Variants in TAOK3 observed in about 807,000 individuals in gnomAD.
TAOK3 encodes serine/threonine-protein kinase TAO3.
Under a neutral mutation model 120.4 loss-of-function variants are expected in TAOK3, and 40 were observed. The observed-to-expected ratio is 0.33, with a 90% CI of 0.26 to 0.43. The LOEUF (loss-of-function observed/expected upper bound fraction) is 0.43, where lower values mean the gene tolerates loss of function less well. Among genes scored for constraint, TAOK3 ranks in the 20% least tolerant of loss-of-function variants. The pLI, the probability that TAOK3 is intolerant of heterozygous loss-of-function variation, is 1.00. For synonymous variants in TAOK3, 355 were observed against 387.5 expected (o/e 0.92, Z 0.99); for missense variants, 821 against 1,112.1 (o/e 0.74, Z 3.72).
At chr12:118,200,802 G>T (rs2037981079) in intron 12 of TAOK3, 2 of 152,486 alleles carry the variant, frequency 1.3e-5, no homozygotes, top group African/African-American at 4.8e-5. Flanking sequence ...TCAATGAGAA[G>T]CCATGGATTA....
chr12:118,337,285 C>T (rs1405319832), intron 1 of TAOK3, among the ~76,000 whole-genome samples: 1 of 152,128 alleles, frequency 6.6e-6, no homozygotes, highest in Non-Finnish European at 1.5e-5. Context: ...TATGGAGAAA[C>T]TGGATTTTTC....
At position 118,214,003 on chromosome 12, in the gene TAOK3, T is replaced by C; in HGVS notation, c.737+14A>G. 6.3e-7 allele frequency: 1 copy of C among 1,595,502 alleles called. No individual in the cohort carries two copies. Among genetic ancestry groups the C allele is most frequent in the Non-Finnish European group, 8.6e-7 (1 of 1,164,514 alleles). On this transcript the variant is annotated intron_variant, in intron 10 of 20. Coordinates refer to ENST00000392533, the MANE Select transcript of TAOK3 (RefSeq NM_016281.4). ...TGATTTTCTTAGAGATTTAAAATGA[T>C]AGCAGAGTCTTACCATTCATTAGAC...
chr12:118,330,878 T>C (rs983348224), intron 1 of TAOK3, among the ~76,000 whole-genome samples: 1 of 152,118 alleles, frequency 6.6e-6, no homozygotes, highest in African/African-American at 2.4e-5. Flanking sequence ...GGTTCATAAG[T>C]CTGAAACTGC....
intron 1 of TAOK3, among the ~76,000 whole-genome samples, chr12:118,360,541 C>T (rs2045560843): frequency 1.4e-5 from 2 of 147,396 alleles, no homozygotes; most frequent in South Asian, 2.2e-4. Flanking sequence ...GGACTCCAGC[C>T]CGGGCGACAC....
chr12:118,166,835 C>CACACACACAT (rs2035622823), intron 17 of TAOK3, among the ~76,000 whole-genome samples: 2 of 130,936 alleles, frequency 1.5e-5, no homozygotes, highest in African/African-American at 2.9e-5. Context: ...TATACACACA[C>CACACACACAT]ACACACACAC....
intron 1 of TAOK3, among the ~76,000 whole-genome samples, chr12:118,269,649 C>T (rs980748226): frequency 8.5e-5 from 13 of 152,070 alleles, no homozygotes; most frequent in Admixed American, 5.2e-4. Flanking sequence ...AGATTACAGG[C>T]GTGAGCCACT....
chr12:118,311,579 T>A (rs535199637), intron 1 of TAOK3, among the ~76,000 whole-genome samples: 1 of 152,034 alleles, frequency 6.6e-6, no homozygotes, highest in Non-Finnish European at 1.5e-5. Flanking sequence ...CTCATAGGAA[T>A]CCCAAGAGAC....
intron 1 of TAOK3, among the ~76,000 whole-genome samples, chr12:118,320,176 G>C (rs142012315): frequency 2.0e-5 from 3 of 152,258 alleles, no homozygotes; most frequent in African/African-American, 7.2e-5. Flanking sequence ...ATAGATAAGG[G>C]CCTAGGCAGA....
rs514826 is a variant in TAOK3, at chr12:118,371,498, A to G, written c.-194+1150T>C. Among the ~76,000 whole-genome samples, 105,371 of 151,566 alleles carry G rather than the reference A, an allele frequency of 0.7. 36,804 individuals carry two copies. The highest frequency in any genetic ancestry group is 0.75 in the South Asian group (3,608 of 4,800). On this transcript the variant is annotated intron_variant, in intron 1 of 20. Coordinates refer to ENST00000392533, the MANE Select transcript of TAOK3 (RefSeq NM_016281.4). The surrounding 1 kb of genome is among the most constrained non-coding windows in gnomAD (Gnocchi z 5.5). ...TCCTCCAGCCCATGCGTTTCACTTCAGAGATGTTTCATGACATAATCCGGC... is the reference window on the plus strand; with the variant it reads ...TCCTCCAGCCCATGCGTTTCACTTCGGAGATGTTTCATGACATAATCCGGC...
At chr12:118,332,113 C>T (rs2044177014) in intron 1 of TAOK3, among the ~76,000 whole-genome samples, 1 of 152,190 alleles carries the variant, frequency 6.6e-6, no homozygotes, top group South Asian at 2.1e-4. Context: ...GTGTGAGCCA[C>T]CACGCCCAGA....
chr12:118,313,221 C>G (rs1041677348), intron 1 of TAOK3, among the ~76,000 whole-genome samples: 3 of 152,084 alleles, frequency 2.0e-5, no homozygotes, highest in Non-Finnish European at 4.4e-5. Flanking sequence ...AGCTCTATTA[C>G]AAGGAAAGAG....
At position 118,173,867 on chromosome 12, in the gene TAOK3, T is replaced by C. The variant is rs145140065; in HGVS notation, c.1696-1207A>G. Among the ~76,000 whole-genome samples the C allele has an allele frequency of 7.0e-3, 1,060 of 152,348 alleles. 15 individuals are homozygous for C. Among genetic ancestry groups the C allele is most frequent in the African/African-American group, 0.024 (987 of 41,576 alleles). ...GCTAACACCTATTTTACTTAATGTT[T>C]TGTGATGCCGATATCATAGACTATT... On this transcript the variant is annotated intron_variant, in intron 16 of 20. Transcript: ENST00000392533.
At chr12:118,363,483 A>G (rs376152618) in intron 1 of TAOK3, among the ~76,000 whole-genome samples, 2 of 152,208 alleles carry the variant, frequency 1.3e-5, no homozygotes, top group East Asian at 3.8e-4. Context: ...ATAAGTACAA[A>G]TCCTACAATG....
intron 12 of TAOK3, 103 bp downstream of exon 12, chr12:118,201,193 A>G (rs2038003289): frequency 3.7e-6 from 4 of 1,079,960 alleles, no homozygotes; most frequent in Non-Finnish European, 5.3e-6. Context: ...GGCGGACAGC[A>G]TCAATTAATT....
At chr12:118,287,907 G>T (rs1257596253) in intron 1 of TAOK3, among the ~76,000 whole-genome samples, 6 of 152,022 alleles carry the variant, frequency 3.9e-5, no homozygotes, top group Non-Finnish European at 8.8e-5. Flanking sequence ...ACAGCACTGT[G>T]AGAGCTCTGT....
At position 118,160,742 on chromosome 12, in the gene TAOK3, C is replaced by CT. The variant is rs570374753; in HGVS notation, c.2140-385dup. On this transcript the variant is annotated intron_variant, in intron 18 of 20. Coordinates refer to ENST00000392533, the MANE Select transcript of TAOK3 (RefSeq NM_016281.4). This position sits in a 1 kb window ranked among gnomAD's most constrained non-coding sequence, Gnocchi z 4.2. ...TTCCATTGTTCATTGTTTTTCCCCCCTTTTTTTTTGTTTCTGTGTTTCACC... is the reference window on the plus strand; with the variant it reads ...TTCCATTGTTCATTGTTTTTCCCCCCTTTTTTTTTTGTTTCTGTGTTTCACC... Among the ~76,000 whole-genome samples, 3 of 151,196 alleles carry CT rather than the reference C, an allele frequency of 2.0e-5. No individual in the cohort carries two copies. Among genetic ancestry groups the CT allele is most frequent in the Non-Finnish European group, 4.4e-5 (3 of 67,740 alleles).
chr12:118,318,114 C>T (rs2043546234), intron 1 of TAOK3, among the ~76,000 whole-genome samples: 1 of 151,554 alleles, frequency 6.6e-6, no homozygotes, highest in Non-Finnish European at 1.5e-5. Flanking sequence ...CAAACAATAA[C>T]TCAGAATAGA....
At chr12:118,287,050 A>T (rs1253719262) in intron 1 of TAOK3, among the ~76,000 whole-genome samples, 1 of 152,018 alleles carries the variant, frequency 6.6e-6, no homozygotes, top group East Asian at 1.9e-4. Flanking sequence ...GACACAATGG[A>T]CTTTGGGGAC....
intron 1 of TAOK3, among the ~76,000 whole-genome samples, chr12:118,363,976 C>A (rs576811664): frequency 6.6e-6 from 1 of 152,128 alleles, no homozygotes; most frequent in East Asian, 1.9e-4. Context: ...ACAAAATTAG[C>A]TGGGCATGGT....
Sources: allele counts gnomAD v4.1 joint callset (sites outside exome capture counted in the v4.1 genomes callset), GRCh38; gene constraint gnomAD v4.1.1; non-coding constraint Gnocchi (gnomAD v3.1); transcripts MANE v1.5; gene names NCBI Gene and HGNC (gene_info 2026-07-23, HGNC 2026-07-21).